PRIMA1: variants seen among roughly 807,000 people sequenced by gnomAD.
PRIMA1 encodes the protein proline-rich membrane anchor 1.
Under a neutral mutation model 17.5 loss-of-function variants are expected in PRIMA1, and 7 were observed. The observed-to-expected ratio is 0.40, with a 90% confidence interval of 0.23 to 0.75. The LOEUF (loss-of-function observed/expected upper bound fraction) is 0.75, where lower values mean the gene tolerates loss of function less well. Among genes scored for constraint, PRIMA1 ranks in the 30% least tolerant of loss-of-function variants. The pLI, the probability that PRIMA1 is intolerant of heterozygous loss-of-function variation, is 0.37. For synonymous variants in PRIMA1, 97 were observed against 77.9 expected (o/e 1.25, Z -1.29); for missense variants, 200 against 201.8 (o/e 0.99, Z 0.05).
chr14:93,771,498 T>C (rs913649076), intron 3 of PRIMA1, among the ~76,000 whole-genome samples: 5 of 151,880 alleles, frequency 3.3e-5, no homozygotes, highest in Admixed American at 6.6e-5. Flanking sequence ...CCACAAGACA[T>C]GGGAGAGGAA....
At chr14:93,721,877 G>A (rs920459954) in intron 4 of PRIMA1, among the ~76,000 whole-genome samples, 11 of 152,218 alleles carry the variant, frequency 7.2e-5, no homozygotes, top group African/African-American at 1.9e-4. Flanking sequence ...AGTCTAGCAC[G>A]ATCAGGCCTT....
rs1236227808 is a variant in PRIMA1 at position 93,787,691 on chromosome 14, G to A, written c.28C>T (p.Arg10Cys). 6.5e-7 allele frequency: 1 copy of A among 1,544,464 alleles called. No individual in the cohort carries two copies. Among genetic ancestry groups the A allele is most frequent in the Non-Finnish European group, 8.7e-7 (1 of 1,146,726 alleles). Residue 10 changes from arginine (R) to cysteine (C), a missense_variant, in exon 2 of 5, where the codon CGT (arginine) becomes TGT (cysteine). Physicochemically the swap from Arg to Cys is radical, Grantham distance 180. Coordinates refer to ENST00000393140, the MANE Select transcript of PRIMA1 (RefSeq NM_178013.4). ...AGCAGCGAGGACCAGCAGCAGCCAC[G>A]GCGCAGCACCAAGTCCCGGAGGAGC... Reference protein sequence around the residue: MLLRDLVLRRGCCWSSLLLH... With the variant: MLLRDLVLRCGCCWSSLLLH...
intron 3 of PRIMA1, among the ~76,000 whole-genome samples, chr14:93,752,603 G>A (rs61980273): frequency 0.025 from 3,787 of 152,228 alleles, 58 homozygotes; most frequent in Middle Eastern, 0.058. Context: ...CAGGCCCCAG[G>A]CCCACGAGAA....
At position 93,735,653 on chromosome 14, in the gene PRIMA1, C is replaced by T. The variant is rs192891514; in HGVS notation, c.359+1588G>A. On this transcript the variant is annotated intron_variant, in intron 4 of 4. Coordinates refer to ENST00000393140, the MANE Select transcript of PRIMA1 (RefSeq NM_178013.4). ...GTGGGAATTGGATTAGCTATGTCCC[C>T]TGGGAGACTCCAACCATCCACTTTG... Among the ~76,000 whole-genome samples the T allele has an allele frequency of 7.2e-5, 11 of 151,882 alleles. 1 individual carries two copies. The highest frequency in any genetic ancestry group is 5.2e-4 in the Admixed American group (8 of 15,242).
At chr14:93,771,091 C>T (rs76344854) in intron 3 of PRIMA1, among the ~76,000 whole-genome samples, 2,321 of 151,478 alleles carry the variant, frequency 0.015, 54 homozygotes, top group African/African-American at 0.052. Flanking sequence ...TGTACATGTG[C>T]GTGCGTGTGC....
chr14:93,734,737 C>A (rs1175377314), intron 4 of PRIMA1, among the ~76,000 whole-genome samples: 2 of 152,008 alleles, frequency 1.3e-5, no homozygotes, highest in African/African-American at 4.8e-5. Flanking sequence ...CCGCCCACGC[C>A]CTGGTGGAGC....
chr14:93,777,786 G>A (rs1885263279), intron 3 of PRIMA1, among the ~76,000 whole-genome samples: 1 of 152,220 alleles, frequency 6.6e-6, no homozygotes, highest in South Asian at 2.1e-4. Flanking sequence ...CCTTCCCTGG[G>A]AGGGCTGAGA....
chr14:93,788,107 A>G (rs1447420558), intron 1 of PRIMA1, among the ~76,000 whole-genome samples: 1 of 151,920 alleles, frequency 6.6e-6, no homozygotes, highest in Non-Finnish European at 1.5e-5. Context: ...GCACACTTCA[A>G]ACCCGGCGGG....
chr14:93,756,977 C>T (rs2076294877), intron 3 of PRIMA1, among the ~76,000 whole-genome samples: 1 of 152,202 alleles, frequency 6.6e-6, no homozygotes, highest in Non-Finnish European at 1.5e-5. Flanking sequence ...TATTACATTC[C>T]CGCTCAGTGT....
intron 3 of PRIMA1, among the ~76,000 whole-genome samples, chr14:93,756,264 G>A (rs533112072): frequency 2.7e-4 from 41 of 152,166 alleles, no homozygotes; most frequent in Middle Eastern, 3.4e-3. Flanking sequence ...AACACTGGGC[G>A]TGGCTCATTA....
In PRIMA1 at chr14:93,721,219, GC is replaced by G; in HGVS notation, c.*224del. The G allele has an allele frequency of 1.9e-6, 1 of 539,678 alleles. No individual in the cohort carries two copies. Among genetic ancestry groups the G allele is most frequent in the Non-Finnish European group, 3.3e-6 (1 of 303,406 alleles). The allele number at this position is 539,678 out of a possible 1,614,324, so 33.4% of individuals were successfully genotyped here. ...GTGGAGGGCCTGGGGTGGGGACACT[GC>G]CCAGGTGCTGCGCCGGGCTCAGCCT... is the stretch of plus-strand genomic sequence containing the variant. On this transcript the variant is annotated 3_prime_UTR_variant, in exon 5 of 5. Coordinates refer to ENST00000393140, the MANE Select transcript of PRIMA1 (RefSeq NM_178013.4).
intron 2 of PRIMA1, among the ~76,000 whole-genome samples, chr14:93,785,207 A>AT (rs61106430): frequency 6.6e-6 from 1 of 151,488 alleles, no homozygotes; most frequent in African/African-American, 2.4e-5. Flanking sequence ...AAAAAAAAAA[A>AT]GAATCATCTG....
intron 4 of PRIMA1, 128 bp downstream of exon 4, chr14:93,737,113 T>A: frequency 1.1e-6 from 1 of 872,378 alleles, no homozygotes; most frequent in Non-Finnish European, 1.7e-6. Flanking sequence ...CACTGTATAT[T>A]CTTTCTGCTT....
upstream of PRIMA1, among the ~76,000 whole-genome samples, chr14:93,788,659 C>A (rs1005013167): frequency 1.3e-5 from 2 of 152,122 alleles, no homozygotes; most frequent in African/African-American, 2.4e-5. Context: ...GCCTCCCGGG[C>A]CGCTGAGCAG....
intron 3 of PRIMA1, among the ~76,000 whole-genome samples, chr14:93,773,862 G>A (rs984904133): frequency 1.3e-5 from 2 of 152,212 alleles, no homozygotes; most frequent in African/African-American, 2.4e-5. Flanking sequence ...GGGAGGCTGA[G>A]GTGGGCAGAT....
At chr14:93,733,960 C>T (rs1210997682) in intron 4 of PRIMA1, among the ~76,000 whole-genome samples, 1 of 152,178 alleles carries the variant, frequency 6.6e-6, no homozygotes, top group Non-Finnish European at 1.5e-5. Context: ...GCCTCCTTCT[C>T]TCTCCACCAA....
intron 3 of PRIMA1, among the ~76,000 whole-genome samples, chr14:93,771,492 A>G (rs368415469): frequency 8.6e-4 from 131 of 152,236 alleles, no homozygotes; most frequent in African/African-American, 3.1e-3. Flanking sequence ...TATTGACCAC[A>G]AGACATGGGA....
At chr14:93,768,549 G>A (rs1884960247) in intron 3 of PRIMA1, among the ~76,000 whole-genome samples, 1 of 152,318 alleles carries the variant, frequency 6.6e-6, no homozygotes, top group East Asian at 1.9e-4. Flanking sequence ...GGGCTCAAGT[G>A]TCCAACTAGA....
chr14:93,747,514 A>G (rs2076226494), intron 3 of PRIMA1, among the ~76,000 whole-genome samples: 1 of 151,950 alleles, frequency 6.6e-6, no homozygotes, highest in Non-Finnish European at 1.5e-5. Context: ...AAGTCATGGG[A>G]AGGATTTCAA....
Sources: gnomAD v4.1 joint callset for allele counts (sites outside exome capture counted in the v4.1 genomes callset) on GRCh38, gnomAD v4.1.1 for gene constraint, MANE v1.5 for transcripts, NCBI Gene and HGNC (gene_info 2026-07-23, HGNC 2026-07-21) for gene names.